CRLF3: variants seen among roughly 807,000 people sequenced by gnomAD.
CRLF3 encodes the protein cytokine receptor like factor 3.
CRLF3 carries 33 observed loss-of-function variants against 55.0 expected under a neutral mutation model. That is an observed-to-expected ratio of 0.60 (90% confidence interval 0.46 to 0.80). CRLF3 has a LOEUF of 0.80. Among genes scored for constraint, CRLF3 ranks in the 30% least tolerant of loss-of-function variants. The pLI, the probability that CRLF3 is intolerant of heterozygous loss-of-function variation, is 0.00. For missense variants in CRLF3, 494 were observed against 538.4 expected, an observed-to-expected ratio of 0.92 and a Z score of 0.82; for synonymous variants, 238 against 196.8, an observed-to-expected ratio of 1.21 and a Z score of -1.75.
intron 2 of CRLF3, among the ~76,000 whole-genome samples, chr17:30,803,165 C>CA (rs147266873): frequency 0.13 from 18,636 of 143,680 alleles, 1,206 homozygotes; most frequent in South Asian, 0.22. Context: ...ACCCCTGTGT[C>CA]AAAAAAAAAA....
chr17:30,809,744 G>A (rs749038952), intron 1 of CRLF3: 3 of 152,100 alleles, frequency 2.0e-5, no homozygotes, highest in Non-Finnish European at 2.9e-5. Flanking sequence ...TCGAACTCCT[G>A]GGCTCAGGTG....
intron 7 of CRLF3, among the ~76,000 whole-genome samples, 169 bp downstream of exon 7, chr17:30,785,750 C>T (rs1272674225): frequency 1.3e-5 from 2 of 150,832 alleles, no homozygotes; most frequent in Non-Finnish European, 2.9e-5. Context: ...CCACTGTACT[C>T]CAGCCTGAGT....
chr17:30,784,582 T>G, intron 7 of CRLF3, 139 bp from the exon 8 acceptor site: 1 of 708,488 alleles, frequency 1.4e-6, no homozygotes, highest in Non-Finnish European at 2.3e-6. Flanking sequence ...ACATAGATTT[T>G]AGAGTTCTGT....
At chr17:30,791,618 C>G (rs570145834) in intron 6 of CRLF3, among the ~76,000 whole-genome samples, 80 of 146,274 alleles carry the variant, frequency 5.5e-4, no homozygotes, top group Non-Finnish European at 1.0e-3. Context: ...CCCGGGTTCA[C>G]GCCATTCTCC....
intron 4 of CRLF3, 25 bp from the exon 5 acceptor site, chr17:30,793,697 G>A (rs1382021895): frequency 1.3e-6 from 2 of 1,531,694 alleles, no homozygotes; most frequent in South Asian, 1.2e-5. Context: ...TTTATGTTAG[G>A]TAAAAAACAG....
intron 1 of CRLF3, among the ~76,000 whole-genome samples, chr17:30,810,658 T>G (rs891205242): frequency 2.0e-5 from 3 of 152,134 alleles, no homozygotes; most frequent in African/African-American, 7.2e-5. Context: ...AATTTTAACA[T>G]GATTAAGAGC....
At chr17:30,792,619 A>G (rs778236029) in intron 5 of CRLF3, 47 bp from the exon 6 acceptor site, 51 of 1,546,650 alleles carry the variant, frequency 3.3e-5, no homozygotes, top group African/African-American at 1.4e-4. Flanking sequence ...CTCTTGAGGG[A>G]TATCTTCAAT....
chr17:30,804,545 G>A (rs375017120), intron 1 of CRLF3, among the ~76,000 whole-genome samples: 2 of 152,030 alleles, frequency 1.3e-5, no homozygotes, highest in African/African-American at 4.8e-5. Flanking sequence ...CTATGACTTC[G>A]ACCTTTTTAG....
rs750539288 is a variant in CRLF3, at chr17:30,796,725, CTT to C, written c.426-390_426-389del. Among the ~76,000 whole-genome samples, 12 of 132,198 alleles carry C rather than the reference CTT, an allele frequency of 9.1e-5. No homozygotes were observed. In the East Asian group the frequency reaches 1.3e-3, roughly 14 times the overall value. 86.7% of individuals were successfully genotyped at this position (132,198 alleles called of 152,430 possible). A position where few individuals can be genotyped will look rare whatever the true frequency, so the allele number is the denominator to read the frequency against. On this transcript the variant is annotated intron_variant, in intron 3 of 7. Coordinates refer to ENST00000324238, the MANE Select transcript of CRLF3 (RefSeq NM_015986.4). ...AACAGTGGTAATGGGCAGTGAAACG[CTT>C]TTTTTTTTTTTTTTCAGACAGAGTC...
chr17:30,817,628 C>A (rs1331333952), intron 1 of CRLF3, among the ~76,000 whole-genome samples: 1 of 151,802 alleles, frequency 6.6e-6, no homozygotes, highest in African/African-American at 2.4e-5. Context: ...TAACTGCAGG[C>A]CAGGCAGGGT....
In CRLF3 at chr17:30,783,842, A is replaced by T. The variant is rs7221817; in HGVS notation, c.*345T>A. The stretch of plus-strand genomic sequence containing the variant: ...GACTTGGATCCTTTAAGATGATTTT[A>T]AAAATAATATTACATTAAGTTTTCC... On this transcript the variant is annotated 3_prime_UTR_variant, in exon 8 of 8. Transcript: ENST00000324238. 0.16 allele frequency: 29,337 copies of T among 188,892 alleles called. 2,464 individuals are homozygous for T. Among genetic ancestry groups the T allele is most frequent in the African/African-American group, 0.18 (7,438 of 42,192 alleles). 11.7% of individuals were successfully genotyped at this position (188,892 alleles called of 1,614,324 possible).
chr17:30,806,686 A>ATTTTTCTTT (rs1223399308), intron 1 of CRLF3, among the ~76,000 whole-genome samples: 1 of 152,098 alleles, frequency 6.6e-6, no homozygotes, highest in Non-Finnish European at 1.5e-5. Flanking sequence ...ACAGGGTCTC[A>ATTTTTCTTT]CTCTGTTGCA....
At chr17:30,792,345 A>G (rs547344449) in intron 6 of CRLF3, 95 bp downstream of exon 6, 60 of 1,197,970 alleles carry the variant, frequency 5.0e-5, no homozygotes, top group Non-Finnish European at 6.7e-5. Context: ...AAATGACGGA[A>G]TAAACTCAGG....
Position 30,806,046 on chromosome 17 carries a change from TACAAACAA to T in CRLF3, c.130-1946_130-1939del, listed in dbSNP as rs370808061. 1.5e-4 allele frequency among the ~76,000 whole-genome samples: 23 copies of T among 151,804 alleles called. 1 individual carries two copies. The South Asian group carries it at 3.7e-3, about 25-fold the overall frequency. Reference sequence around the variant, plus strand: ...TCTAAATAAAAATGAAAAGCCACAATACAAACAAACAAACAAACAAAAAAACTCATGGA... The same window carrying T: ...TCTAAATAAAAATGAAAAGCCACAATACAAACAAACAAAAAAACTCATGGA... On this transcript the variant is annotated intron_variant, in intron 1 of 7. Transcript: ENST00000324238.
Position 30,805,158 on chromosome 17 carries a change from GGCAACAGAGT to G in CRLF3, c.130-1060_130-1051del, listed in dbSNP as rs1437111683. 2.6e-5 allele frequency among the ~76,000 whole-genome samples: 4 copies of G among 152,134 alleles called. No homozygotes were observed. The East Asian group carries it at 7.7e-4, about 29-fold the overall frequency. ...AGATTGCGCCACTGCACTCCAGCTG[GGCAACAGAGT>G]GAGACGCCATTTCAAAAAAGAGAAA... On this transcript the variant is annotated intron_variant, in intron 1 of 7. Transcript: ENST00000324238.
At chr17:30,792,599 C>CTGTT (rs777207524) in intron 5 of CRLF3, 27 bp from the exon 6 acceptor site, 21 of 1,581,832 alleles carry the variant, frequency 1.3e-5, no homozygotes, top group African/African-American at 5.4e-5. Context: ...ATATTGAAAA[C>CTGTT]TGTTAGAATC....
At chr17:30,813,241 T>C (rs1397810910) in intron 1 of CRLF3, among the ~76,000 whole-genome samples, 1 of 152,108 alleles carries the variant, frequency 6.6e-6, no homozygotes, top group East Asian at 1.9e-4. Context: ...GTCTGCCAAA[T>C]TACACCCACA....
At position 30,784,320 on chromosome 17, in the gene CRLF3, T is replaced by A; in HGVS notation, c.1196A>T (p.His399Leu). The change falls in exon 8 of 8, where the codon CAC becomes CTC. Residue 399 changes from histidine to leucine, a missense_variant. Physicochemically the swap from His to Leu is moderately conservative, Grantham distance 99. Transcript: ENST00000324238. Reference sequence around the variant, plus strand: ...ACTTATAGTTACTCGAAGCTTGAAGTGTCCACCTTCATTATTACTGGTGGT... The same window carrying A: ...ACTTATAGTTACTCGAAGCTTGAAGAGTCCACCTTCATTATTACTGGTGGT... The part of the protein sequence containing the change: ...LGTTSNNEGG[H>L]FKLRVTISSN... 1 of 1,614,162 alleles carries A rather than the reference T, an allele frequency of 6.2e-7. No individual in the cohort carries two copies. The highest frequency in any genetic ancestry group is 8.5e-7 in the Non-Finnish European group (1 of 1,179,994).
chr17:30,792,461 C>A lies in CRLF3; in HGVS notation c.938G>T (p.Cys313Phe). The part of the protein sequence containing the change: ...VLYSRAPTYF[C>F]GQTLTFRVET... ...TTGCCTGAATGTTAATGTCTGCCCA[C>A]AGAAATAAGTCGGAGCTCTGGAGTA... Residue 313 changes from cysteine (C) to phenylalanine (F), a missense_variant, in exon 6 of 8, where the codon TGT becomes TTT. Transcript: ENST00000324238. 6.2e-7 allele frequency: 1 copy of A among 1,611,740 alleles called. No individual in the cohort carries two copies. The highest frequency in any genetic ancestry group is 1.1e-5 in the South Asian group (1 of 90,976).
Sources: gnomAD v4.1 joint callset for allele counts (sites outside exome capture counted in the v4.1 genomes callset) on GRCh38, gnomAD v4.1.1 for gene constraint, MANE v1.5 for transcripts, NCBI Gene and HGNC (gene_info 2026-07-23, HGNC 2026-07-21) for gene names.